Variants in NCOR1 observed in about 807,000 individuals in gnomAD.
NCOR1 encodes nuclear receptor corepressor 1.
NCOR1 carries 63 observed loss-of-function variants against 288.1 expected under a neutral mutation model. The ratio of observed to expected loss-of-function variants is 0.22; its 90% confidence interval spans 0.18 to 0.27. NCOR1 has a LOEUF of 0.27. NCOR1 is among the 10% of genes least tolerant of loss of function. The probability of loss-of-function intolerance (pLI) is 1.00; values close to 1 mark genes in which losing one functional copy is unlikely to be tolerated. For synonymous variants in NCOR1, 1,007 were observed against 1,065.9 expected (o/e 0.94, Z 1.08); for missense variants, 2,397 against 3,019.2 (o/e 0.79, Z 4.83).
At chr17:16,182,097 T>G (rs1460983047) in intron 3 of NCOR1, among the ~76,000 whole-genome samples, 4 of 152,136 alleles carry the variant, frequency 2.6e-5, no homozygotes, top group African/African-American at 4.8e-5. Context: ...TTAAGCAAAA[T>G]TGCAGCTACA....
intron 1 of NCOR1, among the ~76,000 whole-genome samples, chr17:16,212,063 G>A (rs2092180107): frequency 6.6e-6 from 1 of 151,990 alleles, no homozygotes; most frequent in Non-Finnish European, 1.5e-5. Flanking sequence ...AGATCATGAG[G>A]TCAGGAGTTC....
chr17:16,173,918 C>T (rs564942096), intron 3 of NCOR1, among the ~76,000 whole-genome samples: 25 of 150,850 alleles, frequency 1.7e-4, no homozygotes, highest in South Asian at 1.5e-3. Context: ...GCAACAAGAG[C>T]GAAACTCCAT....
chr17:16,089,888 G>C (rs2064899062), intron 22 of NCOR1, among the ~76,000 whole-genome samples: 1 of 152,066 alleles, frequency 6.6e-6, no homozygotes, highest in Non-Finnish European at 1.5e-5. Flanking sequence ...AGGGAGATTA[G>C]CTAAAACAAA....
At position 16,063,274 on chromosome 17, in the gene NCOR1, G is replaced by A. The variant is rs186586314; in HGVS notation, c.5221+794C>T. Among the ~76,000 whole-genome samples the A allele has an allele frequency of 2.7e-4, 41 of 152,198 alleles. No homozygotes were observed. In the East Asian group the frequency reaches 6.7e-3, roughly 25 times the overall value. ...AGCTCACTGCAGCCTCAAACTCCTG[G>A]CTTCAAGGGATCATCCTACTTCATC... On this transcript the variant is annotated intron_variant, in intron 35 of 45. Coordinates refer to ENST00000268712, the MANE Select transcript of NCOR1 (RefSeq NM_006311.4).
intron 9 of NCOR1, among the ~76,000 whole-genome samples, chr17:16,147,211 C>A (rs2078123759): frequency 6.6e-6 from 1 of 152,152 alleles, no homozygotes; most frequent in Non-Finnish European, 1.5e-5. Flanking sequence ...GAGTTTGAGA[C>A]CAGCCTGGCC....
intron 2 of NCOR1, among the ~76,000 whole-genome samples, chr17:16,190,832 T>C (rs1024570437): frequency 3.3e-5 from 5 of 152,196 alleles, no homozygotes; most frequent in Non-Finnish European, 7.4e-5. Context: ...AACTGAATAA[T>C]AGGCAGCAGA....
chr17:16,056,866 G>A (rs1567741572), intron 40 of NCOR1: 1 of 151,410 alleles, frequency 6.6e-6, no homozygotes, highest in African/African-American at 2.4e-5. Context: ...GTGTGTGTGT[G>A]CATATATATA....
chr17:16,060,314 G>A (rs2060409178), intron 37 of NCOR1, among the ~76,000 whole-genome samples: 1 of 152,212 alleles, frequency 6.6e-6, no homozygotes, highest in Non-Finnish European at 1.5e-5. Context: ...GGTTTGGTTT[G>A]TGATGCAAAC....
chr17:16,208,950 A>G (rs569100504), intron 1 of NCOR1, among the ~76,000 whole-genome samples: 4 of 152,336 alleles, frequency 2.6e-5, no homozygotes, highest in African/African-American at 9.6e-5. Flanking sequence ...ATTCAGCATC[A>G]AACTGCCATA....
chr17:16,052,259 C>T (rs1292726668), intron 40 of NCOR1, among the ~76,000 whole-genome samples: 1 of 151,720 alleles, frequency 6.6e-6, no homozygotes, highest in Non-Finnish European at 1.5e-5. Flanking sequence ...CTCCTGACCT[C>T]GTGATCTGCC....
Position 16,106,478 on chromosome 17 carries a change from G to C in NCOR1, c.2182+2308C>G, listed in dbSNP as rs149891218. 6.9e-4 allele frequency among the ~76,000 whole-genome samples: 104 copies of C among 151,448 alleles called. 3 individuals are homozygous for C. In the East Asian group the frequency reaches 0.019, roughly 27 times the overall value. ...AGAATGATGTAGAAAAAGAGAACAA[G>C]AGCAAATCCAAATTTTGGTGAAGTT... is the stretch of plus-strand genomic sequence containing the variant. On this transcript the variant is annotated intron_variant, in intron 19 of 45. Transcript: ENST00000268712.
chr17:16,053,887 GCCTCACA>G (rs1351023669), intron 40 of NCOR1, among the ~76,000 whole-genome samples: 3 of 151,670 alleles, frequency 2.0e-5, no homozygotes, highest in Admixed American at 2.0e-4. Context: ...CAGAAATAAG[GCCTCACA>G]CCTACAACTG....
chr17:16,147,367 C>A (rs1006005646), intron 9 of NCOR1, among the ~76,000 whole-genome samples: 7 of 151,990 alleles, frequency 4.6e-5, no homozygotes, highest in Admixed American at 1.3e-4. Context: ...CGAGATCGCA[C>A]CACTGCACTC....
chr17:16,127,605 A>G (rs970257018), intron 14 of NCOR1, among the ~76,000 whole-genome samples: 3 of 147,000 alleles, frequency 2.0e-5, no homozygotes, highest in East Asian at 2.1e-4. Context: ...ATGTATACAT[A>G]CATATGTGTA....
chr17:16,041,888 C>T (rs1015289674), intron 42 of NCOR1, among the ~76,000 whole-genome samples: 1 of 152,180 alleles, frequency 6.6e-6, no homozygotes, highest in Non-Finnish European at 1.5e-5. Flanking sequence ...AGGCGCCCGC[C>T]ACTATGCCTG....
At chr17:16,065,121 G>A (rs2060975393) in intron 33 of NCOR1, 102 bp from the exon 34 acceptor site, 1 of 1,054,102 alleles carries the variant, frequency 9.5e-7, no homozygotes, top group Non-Finnish European at 1.4e-6. Context: ...AGGGTAATTT[G>A]TACATAATAT....
rs2059481238 is a variant in NCOR1 at position 16,052,876 on chromosome 17, A to G, written c.6393-3888T>C. Among the ~76,000 whole-genome samples the G allele has an allele frequency of 1.3e-5, 2 of 152,326 alleles. 1 individual carries two copies. Among genetic ancestry groups the G allele is most frequent in the South Asian group, 4.1e-4 (2 of 4,824 alleles). On this transcript the variant is annotated intron_variant, in intron 40 of 45. Transcript: ENST00000268712. Reference sequence around the variant, plus strand: ...AAAATACTGGCAAACCAAACCCAGCAAAATATTAAAAAGCTTATCCACCAC... The same window carrying G: ...AAAATACTGGCAAACCAAACCCAGCGAAATATTAAAAAGCTTATCCACCAC...
At chr17:16,175,144 A>G (rs964727965) in intron 3 of NCOR1, among the ~76,000 whole-genome samples, 2 of 152,134 alleles carry the variant, frequency 1.3e-5, no homozygotes, top group Admixed American at 1.3e-4. Flanking sequence ...GAGTAAGTGC[A>G]TCACTTGAGG....
intron 21 of NCOR1, among the ~76,000 whole-genome samples, chr17:16,093,244 A>T (rs534131309): frequency 1.3e-5 from 2 of 152,326 alleles, no homozygotes; most frequent in East Asian, 3.9e-4. Context: ...TGCTTCAGCC[A>T]GAAACCTGGC....
Sources: gnomAD v4.1 joint callset for allele counts (sites outside exome capture counted in the v4.1 genomes callset) on GRCh38, gnomAD v4.1.1 for gene constraint, MANE v1.5 for transcripts, NCBI Gene and HGNC (gene_info 2026-07-23, HGNC 2026-07-21) for gene names.